The following COL7A1 variants were observed in gnomAD, a reference collection of about 807,000 sequenced individuals.
COL7A1 encodes the protein collagen alpha-1(VII) chain.
COL7A1 carries 296 observed loss-of-function variants against 456.2 expected under a neutral mutation model. The ratio of observed to expected loss-of-function variants is 0.65; its 90% CI spans 0.59 to 0.71. The LOEUF (loss-of-function observed/expected upper bound fraction) is 0.71, where lower values mean the gene tolerates loss of function less well. Ranked by LOEUF, COL7A1 falls within the 30% of genes least tolerant of loss-of-function variation. The pLI, the probability that COL7A1 is intolerant of heterozygous loss-of-function variation, is 0.00. For synonymous variants in COL7A1, 1,464 were observed against 1,525.9 expected, an observed-to-expected ratio of 0.96 and a Z score of 0.95; for missense variants, 3,441 against 4,017.2, an observed-to-expected ratio of 0.86 and a Z score of 3.88.
chr3:48,579,524 A>G lies in COL7A1; in HGVS notation c.5236-9T>C, dbSNP rs773355275. On this transcript the variant is annotated splice_polypyrimidine_tract_variant and intron_variant, in intron 59 of 118. Coordinates refer to ENST00000681320, the MANE Select transcript of COL7A1 (RefSeq NM_000094.4). This position sits in a 1 kb window ranked among gnomAD's most constrained non-coding sequence, Gnocchi z 4.4. The stretch of plus-strand genomic sequence containing the variant: ...CGAAACCCTTCAATGCCCTGAGGAT[A>G]GGGGAGGAAGAAATCAGAGCAGGCC... The G allele has an allele frequency of 6.2e-7, 1 of 1,613,932 alleles. No individual in the cohort carries two copies.
Position 48,580,057 on chromosome 3 carries a change from C to T in COL7A1, c.5098G>A (p.Gly1700Ser). 6.2e-7 allele frequency: 1 copy of T among 1,613,944 alleles called. No homozygotes were observed. ...SGPKGDRGEP[G>S]PPGPPGRLVD... ...AGCCGTCCCGGGGGTCCTGGGGGACCCTGGGAAAGGAAATGATTATAGTCA... is the reference window on the plus strand; with the variant it reads ...AGCCGTCCCGGGGGTCCTGGGGGACTCTGGGAAAGGAAATGATTATAGTCA... Residue 1700 changes from glycine (G) to serine (S), a missense_variant and splice_region_variant, in exon 57 of 119, where the codon GGT (glycine) becomes AGT (serine). Around this residue, in one of 3 missense-constraint regions of COL7A1, gnomAD observed 2,084 missense variants for 2,501.3 expected, o/e 0.83. Coordinates refer to ENST00000681320, the MANE Select transcript of COL7A1 (RefSeq NM_000094.4). The surrounding 1 kb of genome is among the most constrained non-coding windows in gnomAD (Gnocchi z 4.5).
Position 48,583,969 on chromosome 3 carries a change from A to G in COL7A1, c.4225-16T>C. On this transcript the variant is annotated splice_polypyrimidine_tract_variant and intron_variant, in intron 38 of 118. Transcript: ENST00000681320. This position sits in a 1 kb window ranked among gnomAD's most constrained non-coding sequence, Gnocchi z 5.1. ...CAGGGGGACCCTGGGAGAGAACAGC[A>G]GGTCAGGGAATGAACAGGGGAATCA... The G allele has an allele frequency of 2.5e-6, 4 of 1,614,002 alleles. No homozygotes were observed. The highest frequency in any genetic ancestry group is 1.3e-5 in the African/African-American group (1 of 75,004).
Position 48,565,053 on chromosome 3 carries a change from AG to A in COL7A1, c.8620+55del. 6.2e-7 allele frequency: 1 copy of A among 1,608,190 alleles called. No individual in the cohort carries two copies. Among genetic ancestry groups the A allele is most frequent in the South Asian group, 1.1e-5 (1 of 90,800 alleles). On this transcript the variant is annotated intron_variant, in intron 117 of 118. Transcript: ENST00000681320. This position sits in a 1 kb window ranked among gnomAD's most constrained non-coding sequence, Gnocchi z 4.5. ...GTTGAAAGGTCAGGGGGAGGTCAGC[AG>A]GGCTCAGCCCTGCCTGCCCCTCCCC...
rs1560198878 is a variant in COL7A1 at position 48,568,964 on chromosome 3, C to T, written c.7687-109G>A. 1 of 1,063,484 alleles carries T rather than the reference C, an allele frequency of 9.4e-7. No homozygotes were observed. The highest frequency in any genetic ancestry group is 1.4e-6 in the Non-Finnish European group (1 of 712,088). The allele number at this position is 1,063,484 out of a possible 1,614,324, so 65.9% of individuals were successfully genotyped here. On this transcript the variant is annotated intron_variant, in intron 103 of 118. Transcript: ENST00000681320. The surrounding 1 kb of genome is among the most constrained non-coding windows in gnomAD (Gnocchi z 5.2). ...AGAGCTCAAGTCACTCCCGAACGGC[C>T]CTAGCAGCACGTCCTCCCAGCCTGT...
In COL7A1 at chr3:48,570,504, T is replaced by G. The variant is rs1215731374; in HGVS notation, c.7345-4A>C. 2 of 1,613,870 alleles carry G rather than the reference T, an allele frequency of 1.2e-6. No individual in the cohort carries two copies. Among genetic ancestry groups the G allele is most frequent in the African/African-American group, 2.7e-5 (2 of 74,838 alleles). The stretch of plus-strand genomic sequence containing the variant: ...GTCCAGAGGCCCCAGGTGGTCCCTG[T>G]AGGTCAGAGTGAGGTGAGGGTCCTG... On this transcript the variant is annotated splice_polypyrimidine_tract_variant and splice_region_variant and intron_variant, in intron 96 of 118. Coordinates refer to ENST00000681320, the MANE Select transcript of COL7A1 (RefSeq NM_000094.4). The surrounding 1 kb of genome is among the most constrained non-coding windows in gnomAD (Gnocchi z 5.5).
At position 48,574,290 on chromosome 3, in the gene COL7A1, C is replaced by T. The variant is rs138626345; in HGVS notation, c.6473G>A (p.Arg2158His). The T allele has an allele frequency of 4.1e-5, 66 of 1,614,126 alleles. No homozygotes were observed. The Middle Eastern group carries it at 4.9e-4, about 12-fold the overall frequency. Residue 2158 changes from arginine to histidine, a missense_variant, in exon 80 of 119, where the codon CGT (arginine) becomes CAT (histidine). This residue lies in a region of COL7A1 where 2,084 missense variants were observed against 2,501.3 expected (regional missense o/e 0.83). Coordinates refer to ENST00000681320, the MANE Select transcript of COL7A1 (RefSeq NM_000094.4). This position sits in a 1 kb window ranked among gnomAD's most constrained non-coding sequence, Gnocchi z 5.0. ...QDGNPGLPGERGMAGPEGKPG... is the reference protein window; with the variant it reads ...QDGNPGLPGEHGMAGPEGKPG... ...CTTCCCTTCAGGCCCAGCCATACCA[C>T]GCTCTCCTGGTAGACCCTGCAGAGA...
Position 48,578,229 on chromosome 3 carries a change from C to A in COL7A1, c.5532+92G>T, listed in dbSNP as rs565269565. The A allele has an allele frequency of 1.4e-6, 2 of 1,438,256 alleles. No individual in the cohort carries two copies. Among genetic ancestry groups the A allele is most frequent in the Non-Finnish European group, 9.7e-7 (1 of 1,029,744 alleles). The allele number at this position is 1,438,256 out of a possible 1,614,324, so 89.1% of individuals were successfully genotyped here. On this transcript the variant is annotated intron_variant, in intron 65 of 118. Coordinates refer to ENST00000681320, the MANE Select transcript of COL7A1 (RefSeq NM_000094.4). This position sits in a 1 kb window ranked among gnomAD's most constrained non-coding sequence, Gnocchi z 4.7. ...CTGGGCCAGGATGCATGTGTCTACA[C>A]GTGTGCCTCATGTGTTGCTACAGAT... is the stretch of plus-strand genomic sequence containing the variant.
rs2044191133 is a variant in COL7A1 at position 48,575,028 on chromosome 3, C to G, written c.6279+36G>C. The G allele has an allele frequency of 6.2e-7, 1 of 1,601,952 alleles. No homozygotes were observed. Among genetic ancestry groups the G allele is most frequent in the South Asian group, 1.1e-5 (1 of 90,862 alleles). On this transcript the variant is annotated intron_variant, in intron 76 of 118. Transcript: ENST00000681320. This position sits in a 1 kb window ranked among gnomAD's most constrained non-coding sequence, Gnocchi z 6.3. ...CAAGCTAAGGGTGGCTTCCTGGTCA[C>G]TAGTCACAGGACTAAGGCAGGGATG...
At chr3:48,582,429 C>T in intron 46 of COL7A1, 49 bp downstream of exon 46, 1 of 1,614,178 alleles carries the variant, frequency 6.2e-7, no homozygotes, top group Non-Finnish European at 8.5e-7. Flanking sequence ...AGTGTCCCAT[C>T]TGCCACATCC....
At position 48,585,749 on chromosome 3, in the gene COL7A1, C is replaced by G. The variant is rs2107743420; in HGVS notation, c.3787-15G>C. 1 of 1,614,038 alleles carries G rather than the reference C, an allele frequency of 6.2e-7. No homozygotes were observed. Reference sequence around the variant, plus strand: ...CCTCTCAGGCCCTAGGAAGGGTAATCAGTGAGACCTGTGCTGCCAACCTCT... The same window carrying G: ...CCTCTCAGGCCCTAGGAAGGGTAATGAGTGAGACCTGTGCTGCCAACCTCT... On this transcript the variant is annotated splice_polypyrimidine_tract_variant and intron_variant, in intron 30 of 118. Coordinates refer to ENST00000681320, the MANE Select transcript of COL7A1 (RefSeq NM_000094.4). This position sits in a 1 kb window ranked among gnomAD's most constrained non-coding sequence, Gnocchi z 4.5.
In COL7A1 at chr3:48,594,928, T is replaced by C; in HGVS notation, c.85+147A>G. On this transcript the variant is annotated intron_variant, in intron 2 of 118. Transcript: ENST00000681320. The surrounding 1 kb of genome is among the most constrained non-coding windows in gnomAD (Gnocchi z 5.5). The stretch of plus-strand genomic sequence containing the variant: ...GAACCCAGCACCGATCGCGGAGGGT[T>C]CGGGGAGTCCCAGAATTAGGAGGAA... 6.9e-6 allele frequency: 5 copies of C among 727,560 alleles called. No individual in the cohort carries two copies. Among genetic ancestry groups the C allele is most frequent in the Non-Finnish European group, 9.3e-6 (4 of 432,208 alleles). The allele number at this position is 727,560 out of a possible 1,614,324, so 45.1% of individuals were successfully genotyped here.
In COL7A1 at chr3:48,585,310, C is replaced by A. The variant is rs1348798506; in HGVS notation, c.3895-194G>T. 6.6e-6 allele frequency among the ~76,000 whole-genome samples: 1 copy of A among 152,208 alleles called. No individual in the cohort carries two copies. Among genetic ancestry groups the A allele is most frequent in the African/African-American group, 2.4e-5 (1 of 41,456 alleles). On this transcript the variant is annotated intron_variant, in intron 32 of 118. Coordinates refer to ENST00000681320, the MANE Select transcript of COL7A1 (RefSeq NM_000094.4). The surrounding 1 kb of genome is among the most constrained non-coding windows in gnomAD (Gnocchi z 4.5). ...CCAATTCCAGGCACAAGGGCAGCGACAAGGCAGAGGGCTTCCCTGCCTCTG... is the reference window on the plus strand; with the variant it reads ...CCAATTCCAGGCACAAGGGCAGCGAAAAGGCAGAGGGCTTCCCTGCCTCTG...
chr3:48,593,348 G>C lies in COL7A1; in HGVS notation c.520+8C>G. 1 of 1,613,984 alleles carries C rather than the reference G, an allele frequency of 6.2e-7. No individual in the cohort carries two copies. The highest frequency in any genetic ancestry group is 8.5e-7 in the Non-Finnish European group (1 of 1,180,012). On this transcript the variant is annotated splice_region_variant and intron_variant, in intron 5 of 118. Transcript: ENST00000681320. This position sits in a 1 kb window ranked among gnomAD's most constrained non-coding sequence, Gnocchi z 4.4. ...CCAGCTGACCTGTCACTCCTGCTCG[G>C]TCCTTACCCACAGCAAATAGCTTGA...
At position 48,567,704 on chromosome 3, in the gene COL7A1, A is replaced by G. The variant is rs2043668996; in HGVS notation, c.7983+6T>C. ...GCCCCCTCATTCTGAGCGTGCCCACACTCACCATCTCTCCTTTGTGTCCTG... is the reference window on the plus strand; with the variant it reads ...GCCCCCTCATTCTGAGCGTGCCCACGCTCACCATCTCTCCTTTGTGTCCTG... On this transcript the variant is annotated splice_donor_region_variant and intron_variant, in intron 108 of 118. Transcript: ENST00000681320. This position sits in a 1 kb window ranked among gnomAD's most constrained non-coding sequence, Gnocchi z 4.3. 5 of 1,613,658 alleles carry G rather than the reference A, an allele frequency of 3.1e-6. No homozygotes were observed. The highest frequency in any genetic ancestry group is 4.2e-6 in the Non-Finnish European group (5 of 1,179,932).
Position 48,581,614 on chromosome 3 carries a change from GAA to G in COL7A1, c.4739_4740del (p.Val1580AlafsTer28), listed in dbSNP as rs2044763099. ...CCCTTGGGGCCAGGGTCTCCAGGAA[GAA>G]CCAAGCCGGGTGGGCCCTGTGGATG... The part of the protein sequence containing the change: ...VQGERGPPGL[V>X]LPGDPGPKGD... On this transcript the variant is annotated frameshift_variant, in exon 50 of 119. Coordinates refer to ENST00000681320, the MANE Select transcript of COL7A1 (RefSeq NM_000094.4). LOFTEE classifies it high-confidence loss of function. This position sits in a 1 kb window ranked among gnomAD's most constrained non-coding sequence, Gnocchi z 5.8. The G allele has an allele frequency of 6.2e-7, 1 of 1,614,080 alleles. No homozygotes were observed. The highest frequency in any genetic ancestry group is 8.5e-7 in the Non-Finnish European group (1 of 1,180,042).
In COL7A1 at chr3:48,593,664, C is replaced by T. The variant is rs1239821559; in HGVS notation, c.299G>A (p.Gly100Glu). Residue 100 changes from glycine to glutamate, a missense_variant, in exon 4 of 119, where the codon GGG becomes GAG. Transcript: ENST00000681320. This position sits in a 1 kb window ranked among gnomAD's most constrained non-coding sequence, Gnocchi z 4.4. ...TEFGLDALGS[G>E]GDVIRAIREL... is the part of the protein sequence containing the mutation. ...ACGGATGGCGCGGATCACATCACCC[C>T]CAGAGCCAAGTGCATCCAGGCCGAA... 2 of 1,614,220 alleles carry T rather than the reference C, an allele frequency of 1.2e-6. No homozygotes were observed. Among genetic ancestry groups the T allele is most frequent in the Admixed American group, 3.3e-5 (2 of 60,030 alleles).
Position 48,586,744 on chromosome 3 carries a change from T to C in COL7A1, c.3277-55A>G. On this transcript the variant is annotated intron_variant, in intron 25 of 118. Transcript: ENST00000681320. The surrounding 1 kb of genome is among the most constrained non-coding windows in gnomAD (Gnocchi z 5.1). ...GAGGATGACAGAGCAGGGATGGGGG[T>C]GCACAGAGCCTGGAGAAACACATCA... 2.6e-6 allele frequency: 4 copies of C among 1,548,452 alleles called. No homozygotes were observed. Among genetic ancestry groups the C allele is most frequent in the Non-Finnish European group, 2.6e-6 (3 of 1,144,912 alleles).
rs761239910 is a variant in COL7A1 at position 48,587,856 on chromosome 3, C to T, written c.2794G>A (p.Val932Met). 2.3e-5 allele frequency: 37 copies of T among 1,613,102 alleles called. No individual in the cohort carries two copies. The highest frequency in any genetic ancestry group is 6.7e-5 in the Admixed American group (4 of 59,960). ...GCTGGCCCTAGGACACTCAGCCTCA[C>T]GCGGTACTGTGTCGCTGGCTCCAGC... ...DGLEPATQYRVRLSVLGPAGE... is the reference protein window; with the variant it reads ...DGLEPATQYRMRLSVLGPAGE... The change falls in exon 22 of 119, where the codon GTG becomes ATG. Residue 932 changes from valine (V) to methionine (M), a missense_variant. Around this residue, in one of 3 missense-constraint regions of COL7A1, gnomAD observed 444 missense variants for 427.6 expected, o/e 1.04. Coordinates refer to ENST00000681320, the MANE Select transcript of COL7A1 (RefSeq NM_000094.4). The surrounding 1 kb of genome is among the most constrained non-coding windows in gnomAD (Gnocchi z 6.1).
At position 48,588,840 on chromosome 3, in the gene COL7A1, A is replaced by G. The variant is rs1342662540; in HGVS notation, c.2440+30T>C. 2 of 1,613,478 alleles carry G rather than the reference A, an allele frequency of 1.2e-6. No individual in the cohort carries two copies. The highest frequency in any genetic ancestry group is 8.5e-7 in the Non-Finnish European group (1 of 1,180,022). ...TTAGGGGTGAGCAGTCCCAGCCAGG[A>G]AGGACAGGGGTGGCGTCAGGGAGCC... On this transcript the variant is annotated intron_variant, in intron 19 of 118. Coordinates refer to ENST00000681320, the MANE Select transcript of COL7A1 (RefSeq NM_000094.4). The surrounding 1 kb of genome is among the most constrained non-coding windows in gnomAD (Gnocchi z 4.6).
Sources: gnomAD v4.1 joint callset for allele counts (sites outside exome capture counted in the v4.1 genomes callset) on GRCh38, gnomAD v4.1.1 for gene constraint, gnomAD v4.1.1 regional missense constraint, Gnocchi (gnomAD v3.1) non-coding constraint, MANE v1.5 for transcripts, NCBI Gene and HGNC (gene_info 2026-07-23, HGNC 2026-07-21) for gene names.